BCAS3: variants seen among roughly 807,000 people sequenced by gnomAD.
The protein encoded by BCAS3 is BCAS3 microtubule associated cell migration factor, also known as BCAS4/BCAS3 fusion.
In BCAS3, 53 loss-of-function variants were observed where a neutral mutation model predicts 116.1. The observed-to-expected ratio is 0.46, with a 90% CI of 0.37 to 0.57. The LOEUF (loss-of-function observed/expected upper bound fraction) is 0.57. BCAS3 is among the 20% of genes least tolerant of loss of function. BCAS3 has a pLI of 0.00. For missense variants in BCAS3, 917 were observed against 1,165.4 expected, an observed-to-expected ratio of 0.79 and a Z score of 3.10; for synonymous variants, 391 against 408.2, an observed-to-expected ratio of 0.96 and a Z score of 0.51.
rs376907912 is a variant in BCAS3, at chr17:61,109,075, A to G, written c.2425+24511A>G. 3.3e-5 allele frequency among the ~76,000 whole-genome samples: 5 copies of G among 151,942 alleles called. No homozygotes were observed. The South Asian group carries it at 1.0e-3, about 32-fold the overall frequency. ...GTAGTACATGCCTGTAATCCCAGCT[A>G]CTCAGGAGGCTGAGGCATGAGAATC... On this transcript the variant is annotated intron_variant, in intron 22 of 23. Coordinates refer to ENST00000407086, the MANE Select transcript of BCAS3 (RefSeq NM_017679.5).
chr17:61,238,976 G>C (rs141927784), intron 22 of BCAS3, among the ~76,000 whole-genome samples: 1 of 152,270 alleles, frequency 6.6e-6, no homozygotes, highest in East Asian at 1.9e-4. Context: ...GTCCAGACAA[G>C]CAAACAGAAG....
intron 22 of BCAS3, among the ~76,000 whole-genome samples, chr17:61,091,440 C>T (rs765881604): frequency 1.1e-4 from 16 of 152,122 alleles, no homozygotes; most frequent in Admixed American, 5.2e-4. Context: ...AAGTCTGAAC[C>T]GGGAATTCCA....
At chr17:61,070,143 A>G in intron 19 of BCAS3, 1 of 1,570,676 alleles carries the variant, frequency 6.4e-7, no homozygotes, top group Non-Finnish European at 8.7e-7. Context: ...AGAAGACAGA[A>G]GACAACAACA....
intron 2 of BCAS3, among the ~76,000 whole-genome samples, chr17:60,680,639 CTTT>C (rs768865456): frequency 2.8e-5 from 4 of 142,758 alleles, no homozygotes; most frequent in Admixed American, 7.1e-5. Context: ...GATATGTATA[CTTT>C]TTTTTTTTTT....
chr17:61,008,081 T>C lies in BCAS3; in HGVS notation c.1487-7670T>C, dbSNP rs1279601031. ...ACACACACATAAAATTCATTTTCTT[T>C]TAGTGTGTGTTCTACTCTCCTTGGC... is the stretch of plus-strand genomic sequence containing the variant. On this transcript the variant is annotated intron_variant, in intron 15 of 23. Coordinates refer to ENST00000407086, the MANE Select transcript of BCAS3 (RefSeq NM_017679.5). The surrounding 1 kb of genome is among the most constrained non-coding windows in gnomAD (Gnocchi z 4.6). Among the ~76,000 whole-genome samples the C allele has an allele frequency of 2.6e-5, 4 of 152,106 alleles. No homozygotes were observed. Among genetic ancestry groups the C allele is most frequent in the Non-Finnish European group, 4.4e-5 (3 of 67,980 alleles).
At chr17:61,158,546 G>A (rs527501447) in intron 22 of BCAS3, among the ~76,000 whole-genome samples, 11 of 152,284 alleles carry the variant, frequency 7.2e-5, no homozygotes, top group Admixed American at 1.3e-4. Context: ...ACTGAGGTTA[G>A]ACAGATTGCA....
In BCAS3 at chr17:61,309,926, C is replaced by T. The variant is rs904377986; in HGVS notation, c.2426-58401C>T. ...GATGAAGGGGGAAAATGAAGGGAAA[C>T]GCTTATGCTTAAAGCAGTTTTCCTT... is the stretch of plus-strand genomic sequence containing the variant. On this transcript the variant is annotated intron_variant, in intron 22 of 23. Transcript: ENST00000407086. This position sits in a 1 kb window ranked among gnomAD's most constrained non-coding sequence, Gnocchi z 4.6. Among the ~76,000 whole-genome samples, 2 of 152,176 alleles carry T rather than the reference C, an allele frequency of 1.3e-5. No individual in the cohort carries two copies. Among genetic ancestry groups the T allele is most frequent in the Admixed American group, 6.5e-5 (1 of 15,280 alleles).
rs2077135329 is a variant in BCAS3 at position 61,145,285 on chromosome 17, C to G, written c.2425+60721C>G. ...TGATGGTTCTGCAACTCATCACCAG[C>G]TATGCAAACTGACAGTTCACATCCT... On this transcript the variant is annotated intron_variant, in intron 22 of 23. Coordinates refer to ENST00000407086, the MANE Select transcript of BCAS3 (RefSeq NM_017679.5). The surrounding 1 kb of genome is among the most constrained non-coding windows in gnomAD (Gnocchi z 5.0). Among the ~76,000 whole-genome samples, 2 of 152,238 alleles carry G rather than the reference C, an allele frequency of 1.3e-5. No homozygotes were observed. The highest frequency in any genetic ancestry group is 4.8e-5 in the African/African-American group (2 of 41,460).
At chr17:61,303,081 C>T (rs907985172) in intron 22 of BCAS3, among the ~76,000 whole-genome samples, 1 of 152,148 alleles carries the variant, frequency 6.6e-6, no homozygotes, top group African/African-American at 2.4e-5. Flanking sequence ...TGAGATGGAC[C>T]CGAAGCACTT....
At chr17:60,905,255 C>T (rs997175223) in intron 11 of BCAS3, among the ~76,000 whole-genome samples, 7 of 152,012 alleles carry the variant, frequency 4.6e-5, no homozygotes, top group Non-Finnish European at 8.8e-5. Context: ...GTATATAGGA[C>T]GCTATATATT....
chr17:61,260,702 G>C (rs2049127170), intron 22 of BCAS3, among the ~76,000 whole-genome samples: 1 of 152,246 alleles, frequency 6.6e-6, no homozygotes, highest in South Asian at 2.1e-4. Context: ...CTTTCTCACA[G>C]TACCAGTTTG....
intron 6 of BCAS3, among the ~76,000 whole-genome samples, chr17:60,807,184 G>T (rs1010803108): frequency 1.1e-4 from 17 of 152,120 alleles, no homozygotes; most frequent in African/African-American, 3.4e-4. Context: ...TACATTAATA[G>T]ATTTTATACT....
chr17:61,117,852 T>C (rs1026428919), intron 22 of BCAS3, among the ~76,000 whole-genome samples: 5 of 152,186 alleles, frequency 3.3e-5, no homozygotes, highest in African/African-American at 9.7e-5. Flanking sequence ...TGAACCTACA[T>C]TGACAAGTGA....
Position 61,313,204 on chromosome 17 carries a change from T to G in BCAS3, c.2426-55123T>G, listed in dbSNP as rs781032043. Among the ~76,000 whole-genome samples, 3 of 152,228 alleles carry G rather than the reference T, an allele frequency of 2.0e-5. No homozygotes were observed. Among genetic ancestry groups the G allele is most frequent in the Non-Finnish European group, 4.4e-5 (3 of 68,026 alleles). ...GTAGAGAAAGCGAATGCTGTTATTT[T>G]GCTCTAAGAGGAAACTAAGGTTCAA... On this transcript the variant is annotated intron_variant, in intron 22 of 23. Transcript: ENST00000407086. The surrounding 1 kb of genome is among the most constrained non-coding windows in gnomAD (Gnocchi z 4.3).
chr17:61,034,677 C>G lies in BCAS3; in HGVS notation c.1649C>G (p.Pro550Arg). The change falls in exon 17 of 24, where the codon CCT becomes CGT. Residue 550 changes from proline to arginine, a missense_variant. By Grantham distance (103) the Pro-to-Arg change is moderately radical (BLOSUM62 -2). Transcript: ENST00000407086. This position sits in a 1 kb window ranked among gnomAD's most constrained non-coding sequence, Gnocchi z 5.0. Reference sequence around the variant, plus strand: ...TTTTATTTTTTAAGCAAAGTTAAACCTCCTCCACAAATTTCACCCAGCAAA... The same window carrying G: ...TTTTATTTTTTAAGCAAAGTTAAACGTCCTCCACAAATTTCACCCAGCAAA... ...TITKRTGKVK[P>R]PPQISPSKSM... The G allele has an allele frequency of 6.2e-7, 1 of 1,606,600 alleles. No individual in the cohort carries two copies. The highest frequency in any genetic ancestry group is 1.1e-5 in the South Asian group (1 of 89,808).
Position 61,040,841 on chromosome 17 carries a change from C to T in BCAS3, c.1978C>T (p.Leu660=). 6.2e-7 allele frequency: 1 copy of T among 1,614,162 alleles called. No homozygotes were observed. The highest frequency in any genetic ancestry group is 8.5e-7 in the Non-Finnish European group (1 of 1,180,024). The change falls in exon 19 of 24, where the codon CTG becomes TTG. Residue 660 remains leucine (L), a synonymous_variant. Coordinates refer to ENST00000407086, the MANE Select transcript of BCAS3 (RefSeq NM_017679.5). The part of the protein sequence containing the change: ...LQPPFNANHP[L]LLAADAVQYY... ...GCCACCGTTTAATGCAAACCACCCT[C>T]TGCTCCTCGCTGCAGATGCAGTACA...
In BCAS3 at chr17:61,077,854, A is replaced by C. The variant is rs1177114405; in HGVS notation, c.2131-479A>C. On this transcript the variant is annotated intron_variant, in intron 20 of 23. Coordinates refer to ENST00000407086, the MANE Select transcript of BCAS3 (RefSeq NM_017679.5). The surrounding 1 kb of genome is among the most constrained non-coding windows in gnomAD (Gnocchi z 4.3). ...ACCTTTACTTTTCCTTGGATGGTTC[A>C]AGAACAACTTCACGTTTGTCATAAG... Among the ~76,000 whole-genome samples the C allele has an allele frequency of 6.6e-6, 1 of 152,204 alleles. No homozygotes were observed. Among genetic ancestry groups the C allele is most frequent in the Non-Finnish European group, 1.5e-5 (1 of 68,026 alleles).
intron 6 of BCAS3, among the ~76,000 whole-genome samples, chr17:60,802,833 T>C (rs1006181006): frequency 1.3e-5 from 2 of 152,178 alleles, no homozygotes; most frequent in African/African-American, 4.8e-5. Context: ...TTCACCACAT[T>C]GGCCAGGCTG....
At chr17:60,699,095 C>T (rs1283601262) in intron 4 of BCAS3, among the ~76,000 whole-genome samples, 1 of 151,990 alleles carries the variant, frequency 6.6e-6, no homozygotes, top group Non-Finnish European at 1.5e-5. Context: ...AAAACAAGAA[C>T]AACAAAAAAA....
Sources: allele counts gnomAD v4.1 joint callset (sites outside exome capture counted in the v4.1 genomes callset), GRCh38; gene constraint gnomAD v4.1.1; non-coding constraint Gnocchi (gnomAD v3.1); transcripts MANE v1.5; gene names NCBI Gene and HGNC (gene_info 2026-07-23, HGNC 2026-07-21).